Variants in JPH1 observed in about 807,000 individuals in gnomAD.
The protein encoded by JPH1 is junctophilin-1.
Under a neutral mutation model 53.6 loss-of-function variants are expected in JPH1, and 12 were observed. That is an observed-to-expected ratio of 0.22 (90% CI 0.14 to 0.36). The LOEUF is 0.36. Among genes scored for constraint, JPH1 ranks in the 10% least tolerant of loss-of-function variants. JPH1 has a pLI of 1.00. For missense variants in JPH1, 808 were observed against 905.5 expected (o/e 0.89, Z 1.38); for synonymous variants, 375 against 363.8 (o/e 1.03, Z -0.35).
At chr8:74,306,604 C>CTTTTTT (rs5892449) in intron 2 of JPH1, among the ~76,000 whole-genome samples, 1 of 147,372 alleles carries the variant, frequency 6.8e-6, no homozygotes, top group Admixed American at 6.8e-5. Context: ...TCTACACTAA[C>CTTTTTT]TTTTTTTTTT....
At chr8:74,271,513 A>G (rs1806699177) in intron 2 of JPH1, among the ~76,000 whole-genome samples, 2 of 152,266 alleles carry the variant, frequency 1.3e-5, no homozygotes, top group African/African-American at 2.4e-5. Context: ...TGGTGACAAA[A>G]GGATGTGCCC....
At chr8:74,249,538 T>G (rs1397644676) in intron 3 of JPH1, among the ~76,000 whole-genome samples, 3 of 152,224 alleles carry the variant, frequency 2.0e-5, no homozygotes, top group African/African-American at 7.2e-5. Flanking sequence ...TGGCTGGCAC[T>G]CAATACCCAT....
chr8:74,303,589 T>TA (rs1366688191), intron 2 of JPH1, among the ~76,000 whole-genome samples: 22 of 152,104 alleles, frequency 1.4e-4, no homozygotes, highest in Non-Finnish European at 1.6e-4. Context: ...AGATAACTAT[T>TA]TTTTTATTTT....
intron 2 of JPH1, among the ~76,000 whole-genome samples, chr8:74,271,349 G>C (rs890011587): frequency 5.9e-5 from 9 of 152,114 alleles, no homozygotes; most frequent in Admixed American, 2.6e-4. Flanking sequence ...AGCTACTTTA[G>C]TGGGGTCTCC....
chr8:74,261,276 C>T (rs2131395716), intron 2 of JPH1, among the ~76,000 whole-genome samples: 1 of 152,230 alleles, frequency 6.6e-6, no homozygotes, highest in Non-Finnish European at 1.5e-5. Context: ...ACCGGTTCAT[C>T]AATTACACCA....
At chr8:74,265,080 T>C (rs915352176) in intron 2 of JPH1, among the ~76,000 whole-genome samples, 11 of 152,244 alleles carry the variant, frequency 7.2e-5, no homozygotes, top group African/African-American at 2.7e-4. Context: ...TTCTATCATG[T>C]ATGTAACTCA....
At chr8:74,303,894 G>A (rs1807755420) in intron 2 of JPH1, among the ~76,000 whole-genome samples, 1 of 152,142 alleles carries the variant, frequency 6.6e-6, no homozygotes, top group Non-Finnish European at 1.5e-5. Context: ...TTGGGATAAT[G>A]TCCAAACTCC....
In JPH1 at chr8:74,321,346, C is replaced by G; in HGVS notation, c.-59G>C. On this transcript the variant is annotated 5_prime_UTR_variant, in exon 1 of 6. Coordinates refer to ENST00000342232, the MANE Select transcript of JPH1 (RefSeq NM_020647.4). The surrounding 1 kb of genome is among the most constrained non-coding windows in gnomAD (Gnocchi z 4.3). ...GCACGGACGCGGGCAGTGCTGGGCA[C>G]GGCAGGGTGTAGCTCGGGGGTGGGG... 2 of 1,440,428 alleles carry G rather than the reference C, an allele frequency of 1.4e-6. No individual in the cohort carries two copies. Among genetic ancestry groups the G allele is most frequent in the South Asian group, 1.5e-5 (1 of 67,864 alleles). The allele number at this position is 1,440,428 out of a possible 1,614,324, so 89.2% of individuals were successfully genotyped here.
At chr8:74,303,090 C>T (rs1244132386) in intron 2 of JPH1, among the ~76,000 whole-genome samples, 4 of 152,118 alleles carry the variant, frequency 2.6e-5, no homozygotes, top group African/African-American at 9.7e-5. Context: ...TGTCATAAGG[C>T]AACAAATTCC....
At chr8:74,312,238 CCTT>C (rs1808017825) in intron 2 of JPH1, among the ~76,000 whole-genome samples, 1 of 151,436 alleles carries the variant, frequency 6.6e-6, no homozygotes, top group Admixed American at 6.6e-5. Flanking sequence ...ATGAGACCTA[CCTT>C]CTTAACAAAT....
chr8:74,254,755 C>A (rs1219996405), intron 3 of JPH1, among the ~76,000 whole-genome samples: 1 of 152,070 alleles, frequency 6.6e-6, no homozygotes, highest in Middle Eastern at 3.2e-3. Flanking sequence ...CAATAACAGA[C>A]AAACAGAGAG....
chr8:74,312,038 T>A (rs1586776155), intron 2 of JPH1, among the ~76,000 whole-genome samples: 2 of 152,182 alleles, frequency 1.3e-5, no homozygotes, highest in African/African-American at 4.8e-5. Flanking sequence ...TTCCTTTAAC[T>A]GCTTCCTCCA....
At chr8:74,313,293 A>G (rs768870391) in intron 2 of JPH1, among the ~76,000 whole-genome samples, 143 of 152,324 alleles carry the variant, frequency 9.4e-4, no homozygotes, top group Non-Finnish European at 1.5e-3. Context: ...TATCTGATCT[A>G]TAAGCAAACT....
chr8:74,268,426 G>A (rs369154934), intron 2 of JPH1, among the ~76,000 whole-genome samples: 14 of 152,274 alleles, frequency 9.2e-5, no homozygotes, highest in African/African-American at 3.4e-4. Flanking sequence ...GGAGGATGGT[G>A]TAACCCATGA....
At chr8:74,300,161 A>G (rs984771991) in intron 2 of JPH1, among the ~76,000 whole-genome samples, 1 of 152,190 alleles carries the variant, frequency 6.6e-6, no homozygotes, top group African/African-American at 2.4e-5. Context: ...CAAAAACAAA[A>G]TATCACTAGG....
At chr8:74,299,676 T>C (rs1807621106) in intron 2 of JPH1, among the ~76,000 whole-genome samples, 1 of 152,226 alleles carries the variant, frequency 6.6e-6, no homozygotes, top group African/African-American at 2.4e-5. Context: ...GTTTTTCTTT[T>C]AACCACAGCC....
At position 74,321,438 on chromosome 8, in the gene JPH1, C is replaced by T. The variant is rs1195886612; in HGVS notation, c.-151G>A. 4.5e-6 allele frequency: 3 copies of T among 660,254 alleles called. No individual in the cohort carries two copies. Among genetic ancestry groups the T allele is most frequent in the Non-Finnish European group, 6.8e-6 (3 of 442,386 alleles). The allele number at this position is 660,254 out of a possible 1,614,324, so 40.9% of individuals were successfully genotyped here. A position where few individuals can be genotyped will look rare whatever the true frequency, so the allele number is the denominator to read the frequency against. ...GCTGCCGCTCGGCTCCAGTCCGACGCCGCCCCCGTCCTCCCTCCTCTTTTG... is the reference window on the plus strand; with the variant it reads ...GCTGCCGCTCGGCTCCAGTCCGACGTCGCCCCCGTCCTCCCTCCTCTTTTG... On this transcript the variant is annotated 5_prime_UTR_variant, in exon 1 of 6. Transcript: ENST00000342232. This position sits in a 1 kb window ranked among gnomAD's most constrained non-coding sequence, Gnocchi z 4.3.
At chr8:74,250,728 C>A (rs1182931277) in intron 3 of JPH1, among the ~76,000 whole-genome samples, 1 of 152,158 alleles carries the variant, frequency 6.6e-6, no homozygotes, top group South Asian at 2.1e-4. Context: ...AGATTGGACA[C>A]CCTTGCTCTA....
chr8:74,292,303 G>A (rs942877054), intron 2 of JPH1, among the ~76,000 whole-genome samples: 3 of 152,108 alleles, frequency 2.0e-5, no homozygotes, highest in African/African-American at 7.2e-5. Flanking sequence ...CCACTTGAGC[G>A]CTGGCATTAT....
Sources: allele counts gnomAD v4.1 joint callset (sites outside exome capture counted in the v4.1 genomes callset), GRCh38; gene constraint gnomAD v4.1.1; non-coding constraint Gnocchi (gnomAD v3.1); transcripts MANE v1.5; gene names NCBI Gene and HGNC (gene_info 2026-07-23, HGNC 2026-07-21).